The following AFF3 variants were observed in gnomAD, a reference collection of about 807,000 sequenced individuals.
AFF3 encodes ALF transcription elongation factor 3, also known as AF4/FMR2 family member 3.
Under a neutral mutation model 129.7 loss-of-function variants are expected in AFF3, and 32 were observed. The observed-to-expected ratio is 0.25, with a 90% CI of 0.19 to 0.33. The LOEUF is 0.33. Among genes scored for constraint, AFF3 ranks in the 10% least tolerant of loss-of-function variants. AFF3 has a pLI of 1.00. For missense variants in AFF3, 1,373 were observed against 1,592.0 expected (o/e 0.86, Z 2.34); for synonymous variants, 644 against 635.4 (o/e 1.01, Z -0.20).
chr2:99,912,676 C>CA (rs1302022535), intron 7 of AFF3, among the ~76,000 whole-genome samples: 1 of 152,078 alleles, frequency 6.6e-6, no homozygotes, highest in African/African-American at 2.4e-5. Context: ...TTTAATGAGG[C>CA]AAAATCTCAC....
chr2:99,808,024 G>T (rs1248019370), intron 8 of AFF3, among the ~76,000 whole-genome samples: 1 of 150,658 alleles, frequency 6.6e-6, no homozygotes, highest in African/African-American at 2.4e-5. Flanking sequence ...CATAGGGTAG[G>T]AATCCCTCCC....
intron 10 of AFF3, among the ~76,000 whole-genome samples, chr2:99,736,889 C>T (rs961622005): frequency 3.3e-5 from 5 of 152,130 alleles, no homozygotes; most frequent in East Asian, 1.9e-4. Context: ...GGATTACAGG[C>T]GTGAGCCACC....
intron 7 of AFF3, among the ~76,000 whole-genome samples, chr2:99,963,618 A>G (rs1268754735): frequency 6.6e-6 from 1 of 151,282 alleles, no homozygotes; most frequent in Non-Finnish European, 1.5e-5. Context: ...AAATAGATGT[A>G]CTAAAAAACA....
intron 8 of AFF3, among the ~76,000 whole-genome samples, chr2:99,767,762 G>A (rs1433238880): frequency 1.3e-5 from 2 of 152,120 alleles, no homozygotes; most frequent in African/African-American, 2.4e-5. Flanking sequence ...TTGAGACCAC[G>A]GTGAAACCCC....
At chr2:100,016,305 G>A (rs1028693390) in intron 4 of AFF3, among the ~76,000 whole-genome samples, 6 of 151,600 alleles carry the variant, frequency 4.0e-5, no homozygotes, top group South Asian at 2.1e-4. Context: ...TGGTGGCAGC[G>A]ATGGTGACAG....
At chr2:100,014,463 A>G (rs1682816599) in intron 4 of AFF3, among the ~76,000 whole-genome samples, 1 of 152,190 alleles carries the variant, frequency 6.6e-6, no homozygotes, top group Non-Finnish European at 1.5e-5. Context: ...CTAGGGAGAC[A>G]GGGTCGTGAT....
chr2:100,059,254 CAAAAAA>C (rs59005550), intron 4 of AFF3, among the ~76,000 whole-genome samples: 2 of 31,002 alleles, frequency 6.5e-5, no homozygotes, highest in Admixed American at 5.2e-4. Context: ...ACTCTGTCTC[CAAAAAA>C]AAAAAAAAAA....
At chr2:99,955,475 C>T (rs1416363136) in intron 7 of AFF3, among the ~76,000 whole-genome samples, 1 of 152,072 alleles carries the variant, frequency 6.6e-6, no homozygotes, top group South Asian at 2.1e-4. Context: ...AGAAGTACTG[C>T]CATAAATTTA....
chr2:99,591,173 CTTTA>C (rs1420676232), intron 15 of AFF3, among the ~76,000 whole-genome samples: 1 of 151,786 alleles, frequency 6.6e-6, no homozygotes, highest in African/African-American at 2.4e-5. Flanking sequence ...TCCTTTGGTA[CTTTA>C]TTTTTTATTT....
chr2:99,866,380 T>G (rs1052393928), intron 7 of AFF3, among the ~76,000 whole-genome samples: 2 of 152,114 alleles, frequency 1.3e-5, no homozygotes, highest in Non-Finnish European at 2.9e-5. Flanking sequence ...GAAGACCTCA[T>G]CATCAGAAAA....
At chr2:100,037,716 A>G (rs1245666087) in intron 4 of AFF3, among the ~76,000 whole-genome samples, 8 of 127,182 alleles carry the variant, frequency 6.3e-5, no homozygotes, top group Non-Finnish European at 1.3e-4. Flanking sequence ...ATATTTATAT[A>G]TTATATATAT....
chr2:99,546,142 T>G lies in AFF3; in HGVS notation c.*5332A>C, dbSNP rs920551348. ...AAAAAACTTTCAAGATTCCACTTGA[T>G]CCGGGTTTCTTCGAAAATGTATTAC... is the stretch of plus-strand genomic sequence containing the variant. On this transcript the variant is annotated 3_prime_UTR_variant, in exon 25 of 25. Coordinates refer to ENST00000672756, the MANE Select transcript of AFF3 (RefSeq NM_001386135.1). The G allele has an allele frequency of 3.1e-5, 7 of 228,974 alleles. No individual in the cohort carries two copies. The highest frequency in any genetic ancestry group is 6.1e-5 in the Non-Finnish European group (7 of 115,426). The allele number at this position is 228,974 out of a possible 1,614,324, so 14.2% of individuals were successfully genotyped here.
chr2:100,078,315 T>A (rs1050686963), intron 4 of AFF3, among the ~76,000 whole-genome samples: 1 of 152,228 alleles, frequency 6.6e-6, no homozygotes, highest in Non-Finnish European at 1.5e-5. Flanking sequence ...ATGAATTTCA[T>A]CCAAAATACT....
chr2:99,944,075 T>C (rs1675328611), intron 7 of AFF3, among the ~76,000 whole-genome samples: 1 of 152,164 alleles, frequency 6.6e-6, no homozygotes, highest in South Asian at 2.1e-4. Flanking sequence ...AGTGATTTCA[T>C]ATTTTTGTAG....
At chr2:99,931,110 GA>G (rs1696644196) in intron 7 of AFF3, among the ~76,000 whole-genome samples, 1 of 152,148 alleles carries the variant, frequency 6.6e-6, no homozygotes, top group African/African-American at 2.4e-5. Flanking sequence ...CATGACTCTA[GA>G]ATCAGTTGGA....
At chr2:99,876,345 C>T (rs986150503) in intron 7 of AFF3, among the ~76,000 whole-genome samples, 1 of 152,236 alleles carries the variant, frequency 6.6e-6, no homozygotes, top group East Asian at 1.9e-4. Flanking sequence ...ATCTTTGCTG[C>T]TAAACTTCTC....
At chr2:99,737,116 TTTA>T (rs754977209) in intron 10 of AFF3, among the ~76,000 whole-genome samples, 1 of 152,170 alleles carries the variant, frequency 6.6e-6, no homozygotes, top group Non-Finnish European at 1.5e-5. Flanking sequence ...ATTTACTTAA[TTTA>T]TCAAAGCCCA....
At chr2:99,895,936 G>A (rs1222106795) in intron 7 of AFF3, among the ~76,000 whole-genome samples, 1 of 151,862 alleles carries the variant, frequency 6.6e-6, no homozygotes, top group African/African-American at 2.4e-5. Flanking sequence ...AGGCATGGTG[G>A]CACACGCCTG....
chr2:99,947,653 T>TAGACAGACAGACAGACAGAC (rs869305084), intron 7 of AFF3, among the ~76,000 whole-genome samples: 1 of 123,192 alleles, frequency 8.1e-6, no homozygotes, highest in Non-Finnish European at 1.8e-5. Context: ...GATAGATAGA[T>TAGACAGACAGACAGACAGAC]AGACAGACAG....
Sources: gnomAD v4.1 joint callset for allele counts (sites outside exome capture counted in the v4.1 genomes callset) on GRCh38, gnomAD v4.1.1 for gene constraint, MANE v1.5 for transcripts, NCBI Gene and HGNC (gene_info 2026-07-23, HGNC 2026-07-21) for gene names.